The following CTNNA3 variants were observed in gnomAD, a reference collection of about 807,000 sequenced individuals.
The protein encoded by CTNNA3 is catenin alpha 3.
In CTNNA3, 76 loss-of-function variants were observed where a neutral mutation model predicts 95.7. That is an observed-to-expected ratio of 0.79 (90% confidence interval 0.66 to 0.96). The LOEUF is 0.96. Among genes scored for constraint, CTNNA3 ranks in the 40% least tolerant of loss-of-function variants. The pLI is 0.00. For synonymous variants in CTNNA3, 431 were observed against 374.4 expected (o/e 1.15, Z -1.74); for missense variants, 1,191 against 1,089.8 (o/e 1.09, Z -1.31).
At chr10:67,382,989 G>A (rs1037702660) in intron 5 of CTNNA3, among the ~76,000 whole-genome samples, 1 of 152,054 alleles carries the variant, frequency 6.6e-6, no homozygotes, top group Admixed American at 6.6e-5. Flanking sequence ...TCCAACATTG[G>A]AGGTCACATT....
chr10:66,922,885 T>C (rs1176226762), intron 7 of CTNNA3, among the ~76,000 whole-genome samples: 2 of 152,184 alleles, frequency 1.3e-5, no homozygotes, highest in African/African-American at 4.8e-5. Flanking sequence ...GATATAGGCA[T>C]GCAATGTGTA....
intron 5 of CTNNA3, among the ~76,000 whole-genome samples, chr10:67,491,643 G>A (rs1385869587): frequency 6.6e-6 from 1 of 152,184 alleles, no homozygotes; most frequent in Non-Finnish European, 1.5e-5. Flanking sequence ...AAAGCTCTGG[G>A]AAAATAAAGG....
Position 67,345,067 on chromosome 10 carries a change from T to A in CTNNA3, c.580-125197A>T, listed in dbSNP as rs984379701. Among the ~76,000 whole-genome samples, 105 of 152,234 alleles carry A rather than the reference T, an allele frequency of 6.9e-4. 1 individual carries two copies. The highest frequency in any genetic ancestry group is 2.2e-3 in the African/African-American group (93 of 41,582). On this transcript the variant is annotated intron_variant, in intron 5 of 17. Transcript: ENST00000433211. Reference sequence around the variant, plus strand: ...TTCCATTATCATTTGTTTCAAAAAATTTTTCAATTTCCTTCTTAATTTCTT... The same window carrying A: ...TTCCATTATCATTTGTTTCAAAAAAATTTTCAATTTCCTTCTTAATTTCTT...
At chr10:67,088,421 T>C (rs1020658254) in intron 7 of CTNNA3, among the ~76,000 whole-genome samples, 11 of 151,920 alleles carry the variant, frequency 7.2e-5, no homozygotes, top group African/African-American at 2.7e-4. Context: ...AAATGCTTCA[T>C]AAAACACAAA....
intron 12 of CTNNA3, among the ~76,000 whole-genome samples, chr10:66,315,141 T>TC (rs1276015201): frequency 1.3e-5 from 2 of 152,178 alleles, no homozygotes; most frequent in South Asian, 2.1e-4. Flanking sequence ...CCTTTTTTTT[T>TC]CTCTACTAGA....
At chr10:67,405,823 T>C (rs1442040830) in intron 5 of CTNNA3, among the ~76,000 whole-genome samples, 2 of 152,236 alleles carry the variant, frequency 1.3e-5, no homozygotes, top group East Asian at 3.9e-4. Flanking sequence ...CCTCAGCAAA[T>C]GTAAAAGAAC....
chr10:66,051,677 C>G (rs2079962444), intron 15 of CTNNA3, among the ~76,000 whole-genome samples: 2 of 152,130 alleles, frequency 1.3e-5, no homozygotes, highest in Admixed American at 6.6e-5. Flanking sequence ...GTTCAAAGGA[C>G]AAAATATTAT....
At chr10:67,328,286 G>T (rs917937066) in intron 5 of CTNNA3, among the ~76,000 whole-genome samples, 3 of 152,164 alleles carry the variant, frequency 2.0e-5, no homozygotes, top group Non-Finnish European at 4.4e-5. Flanking sequence ...AAGCTATGGT[G>T]TGGGACCCCA....
At chr10:67,292,113 T>A (rs1325690496) in intron 5 of CTNNA3, among the ~76,000 whole-genome samples, 1 of 152,188 alleles carries the variant, frequency 6.6e-6, no homozygotes, top group Non-Finnish European at 1.5e-5. Flanking sequence ...GGGGCAGGAC[T>A]CTCTCTTGAA....
At chr10:67,205,912 G>A (rs749627566) in intron 6 of CTNNA3, among the ~76,000 whole-genome samples, 5 of 152,026 alleles carry the variant, frequency 3.3e-5, no homozygotes, top group East Asian at 3.9e-4. Context: ...TAAGCTTCTC[G>A]CCAGCTTTTC....
chr10:66,769,774 T>C (rs1276067983), intron 8 of CTNNA3, among the ~76,000 whole-genome samples: 5 of 152,218 alleles, frequency 3.3e-5, no homozygotes, highest in African/African-American at 4.8e-5. Context: ...CAGACAATTC[T>C]GGGAAACATT....
At chr10:67,427,405 T>C (rs1385730005) in intron 5 of CTNNA3, among the ~76,000 whole-genome samples, 2 of 152,098 alleles carry the variant, frequency 1.3e-5, no homozygotes, top group Non-Finnish European at 2.9e-5. Context: ...TGTGATTAGA[T>C]ATGTCATATT....
At chr10:67,235,745 A>T in intron 5 of CTNNA3, among the ~76,000 whole-genome samples, 1 of 144,368 alleles carries the variant, frequency 6.9e-6, no homozygotes, top group Non-Finnish European at 1.5e-5. Context: ...AAATGGGAGA[A>T]AATTTTTGCA....
At position 67,219,746 on chromosome 10, in the gene CTNNA3, T is replaced by C; in HGVS notation, c.704A>G (p.Lys235Arg). ...TTCACAAACTGTGTCCTTGCTTGCT[T>C]TGAGGGAAGCAACATCAGAATGCTC... ...CLEHSDVASLKASKDTVCEEI... is the reference protein window; with the variant it reads ...CLEHSDVASLRASKDTVCEEI... Residue 235 changes from lysine (K) to arginine (R), a missense_variant, in exon 6 of 18, where the codon AAA (lysine) becomes AGA (arginine). Transcript: ENST00000433211. The C allele has an allele frequency of 1.2e-6, 2 of 1,614,052 alleles. No homozygotes were observed. Among genetic ancestry groups the C allele is most frequent in the African/African-American group, 2.7e-5 (2 of 74,986 alleles).
At chr10:67,197,271 A>G (rs1863420379) in intron 6 of CTNNA3, among the ~76,000 whole-genome samples, 1 of 152,108 alleles carries the variant, frequency 6.6e-6, no homozygotes, top group Non-Finnish European at 1.5e-5. Flanking sequence ...AAAACAATTC[A>G]TCGACAAAGA....
intron 10 of CTNNA3, among the ~76,000 whole-genome samples, chr10:66,619,817 G>A (rs1203253126): frequency 6.6e-6 from 1 of 151,830 alleles, no homozygotes; most frequent in Non-Finnish European, 1.5e-5. Context: ...ATAATATAAT[G>A]TTTATATAAA....
intron 7 of CTNNA3, among the ~76,000 whole-genome samples, chr10:67,151,188 T>C (rs145534528): frequency 5.6e-4 from 86 of 152,286 alleles, no homozygotes; most frequent in Non-Finnish European, 1.1e-3. Flanking sequence ...CCTTTGGCTA[T>C]CTCCCTCAAA....
At chr10:67,256,542 A>C (rs1040276513) in intron 5 of CTNNA3, among the ~76,000 whole-genome samples, 1 of 152,164 alleles carries the variant, frequency 6.6e-6, no homozygotes, top group Non-Finnish European at 1.5e-5. Context: ...GTTTATCTGA[A>C]AGATTACCCA....
At chr10:66,633,299 A>T (rs1211607405) in intron 9 of CTNNA3, among the ~76,000 whole-genome samples, 1 of 151,944 alleles carries the variant, frequency 6.6e-6, no homozygotes, top group African/African-American at 2.4e-5. Context: ...TGTAAAAAAA[A>T]TAAAATGTTA....
Sources: gnomAD v4.1 joint callset for allele counts (sites outside exome capture counted in the v4.1 genomes callset) on GRCh38, gnomAD v4.1.1 for gene constraint, MANE v1.5 for transcripts, NCBI Gene and HGNC (gene_info 2026-07-23, HGNC 2026-07-21) for gene names.